The following ATP8B4 variants were observed in gnomAD, a reference collection of about 807,000 sequenced individuals.
The protein encoded by ATP8B4 is ATPase phospholipid transporting 8B4 (putative).
Under a neutral mutation model 145.6 loss-of-function variants are expected in ATP8B4, and 133 were observed. The ratio of observed to expected loss-of-function variants is 0.91; its 90% CI spans 0.79 to 1.05. ATP8B4 has a LOEUF of 1.05. Among genes scored for constraint, ATP8B4 ranks in the 50% least tolerant of loss-of-function variants. The pLI, the probability that ATP8B4 is intolerant of heterozygous loss-of-function variation, is 0.00. For missense variants in ATP8B4, 1,458 were observed against 1,425.2 expected, an observed-to-expected ratio of 1.02 and a Z score of -0.37; for synonymous variants, 507 against 492.9, an observed-to-expected ratio of 1.03 and a Z score of -0.38.
At chr15:50,082,500 C>T (rs373216516) in intron 2 of ATP8B4, among the ~76,000 whole-genome samples, 30 of 152,310 alleles carry the variant, frequency 2.0e-4, no homozygotes, top group Middle Eastern at 3.4e-3. Flanking sequence ...AGCCAATTTG[C>T]TCATCAGATC....
chr15:50,171,982 C>G (rs2044680901), intron 1 of ATP8B4, among the ~76,000 whole-genome samples: 1 of 152,102 alleles, frequency 6.6e-6, no homozygotes, highest in Non-Finnish European at 1.5e-5. Flanking sequence ...TGGATACATT[C>G]CTGGAAAAAT....
chr15:49,916,992 T>G lies in ATP8B4; in HGVS notation c.2083A>C (p.Met695Leu), dbSNP rs755275195. Residue 695 changes from methionine to leucine, a missense_variant, in exon 20 of 28, where the codon ATG becomes CTG. Met to Leu is a conservative substitution (Grantham distance 15). Coordinates refer to ENST00000284509, the MANE Select transcript of ATP8B4 (RefSeq NM_024837.4). The part of the protein sequence containing the change: ...GYACNMLTDD[M>L]NDVFVIAGNN... ...CCTGCTATCACAAACACATCATTCA[T>G]GTCGTCAGTCAGCATGTTGCAGGCA... 1.2e-6 allele frequency: 2 copies of G among 1,614,016 alleles called. No individual in the cohort carries two copies. Among genetic ancestry groups the G allele is most frequent in the East Asian group, 4.5e-5 (2 of 44,874 alleles).
intron 14 of ATP8B4, among the ~76,000 whole-genome samples, chr15:49,940,622 A>G (rs943019616): frequency 1.3e-5 from 2 of 152,194 alleles, no homozygotes; most frequent in African/African-American, 4.8e-5. Context: ...GTTTATTTGG[A>G]AAGACTCTAA....
intron 14 of ATP8B4, among the ~76,000 whole-genome samples, chr15:49,945,993 T>C (rs753793029): frequency 1.3e-5 from 2 of 152,168 alleles, no homozygotes; most frequent in Non-Finnish European, 2.9e-5. Context: ...CTAGTAGTCC[T>C]AGCCAGTGCA....
In ATP8B4 at chr15:49,897,519, C is replaced by T. The variant is rs775807246; in HGVS notation, c.2474-4G>A. 2 of 1,521,488 alleles carry T rather than the reference C, an allele frequency of 1.3e-6. No individual in the cohort carries two copies. Among genetic ancestry groups the T allele is most frequent in the Non-Finnish European group, 1.8e-6 (2 of 1,134,342 alleles). The allele number at this position is 1,521,488 out of a possible 1,614,324, so 94.2% of individuals were successfully genotyped here. A position where few individuals can be genotyped will look rare whatever the true frequency, so the allele number is the denominator to read the frequency against. ...ATGCCAACACCAATGTGAGCACCTA[C>T]AAAGGAAAGAGGAACACTGTCACTC... On this transcript the variant is annotated splice_region_variant and splice_polypyrimidine_tract_variant and intron_variant, in intron 22 of 27. Transcript: ENST00000284509.
At chr15:50,156,065 AATAAATAAATAT>A (rs2044406697) in intron 1 of ATP8B4, among the ~76,000 whole-genome samples, 2 of 21,342 alleles carry the variant, frequency 9.4e-5, no homozygotes, top group Admixed American at 1.1e-3. Context: ...GTAATAAATA[AATAAATAAATAT>A]ATATATATAT....
intron 14 of ATP8B4, among the ~76,000 whole-genome samples, chr15:49,948,281 C>CAAAA (rs35575312): frequency 0.074 from 8,316 of 112,100 alleles, 297 homozygotes; most frequent in Non-Finnish European, 0.084. Context: ...ACTAAAAATA[C>CAAAA]AAAAAAAAAA....
chr15:50,062,336 C>T (rs902737404), intron 3 of ATP8B4, among the ~76,000 whole-genome samples: 1 of 152,156 alleles, frequency 6.6e-6, no homozygotes, highest in African/African-American at 2.4e-5. Context: ...CTTGCTCCTG[C>T]TTTCACCATG....
chr15:50,024,836 C>T (rs1419797339), intron 6 of ATP8B4, among the ~76,000 whole-genome samples: 2 of 152,142 alleles, frequency 1.3e-5, no homozygotes, highest in Non-Finnish European at 2.9e-5. Flanking sequence ...GACACTGTCC[C>T]ATACATGTTA....
At chr15:49,898,299 G>A (rs377154477) in intron 21 of ATP8B4, 48 bp from the exon 22 acceptor site, 3 of 1,546,058 alleles carry the variant, frequency 1.9e-6, no homozygotes, top group Non-Finnish European at 2.7e-6. Flanking sequence ...AACAATAAAT[G>A]AGGGTTGAGA....
At chr15:50,036,760 C>A (rs1048753499) in intron 6 of ATP8B4, among the ~76,000 whole-genome samples, 1 of 152,156 alleles carries the variant, frequency 6.6e-6, no homozygotes, top group African/African-American at 2.4e-5. Context: ...GACCCCTACC[C>A]TAGAGAAGCT....
At chr15:50,071,844 G>A (rs536218587) in intron 3 of ATP8B4, among the ~76,000 whole-genome samples, 1 of 152,242 alleles carries the variant, frequency 6.6e-6, no homozygotes, top group East Asian at 1.9e-4. Flanking sequence ...AAGCTTACAA[G>A]ACTGATGAAT....
chr15:49,985,127 C>T (rs1343072166), intron 10 of ATP8B4, among the ~76,000 whole-genome samples: 1 of 149,890 alleles, frequency 6.7e-6, no homozygotes. Flanking sequence ...GATGGAGTCT[C>T]GTTCTGTCAC....
chr15:50,134,710 T>G (rs941723980), intron 1 of ATP8B4, among the ~76,000 whole-genome samples: 1 of 152,120 alleles, frequency 6.6e-6, no homozygotes, highest in Non-Finnish European at 1.5e-5. Flanking sequence ...ATTCAAGAAA[T>G]ATTCCAAATA....
intron 2 of ATP8B4, among the ~76,000 whole-genome samples, chr15:50,090,322 T>G (rs747400501): frequency 6.6e-6 from 1 of 152,142 alleles, no homozygotes; most frequent in Non-Finnish European, 1.5e-5. Flanking sequence ...TTTACCTATG[T>G]AACAAACCTG....
chr15:49,868,241 CTG>C (rs2033122259), intron 25 of ATP8B4, among the ~76,000 whole-genome samples: 1 of 152,128 alleles, frequency 6.6e-6, no homozygotes, highest in South Asian at 2.1e-4. Context: ...CACAGTGAAA[CTG>C]TGAAACAACA....
intron 23 of ATP8B4, chr15:49,895,172 T>C (rs1481637285): frequency 1.3e-5 from 2 of 152,262 alleles, no homozygotes; most frequent in Admixed American, 6.5e-5. Flanking sequence ...AACTGGCCCC[T>C]CTGCTTTAGA....
chr15:49,920,111 G>C, intron 18 of ATP8B4, 135 bp downstream of exon 18: 1 of 1,180,716 alleles, frequency 8.5e-7, no homozygotes, highest in Non-Finnish European at 1.2e-6. Context: ...AACATATAAA[G>C]CATGATTCAG....
intron 1 of ATP8B4, among the ~76,000 whole-genome samples, chr15:50,156,392 G>A (rs2044420591): frequency 6.6e-6 from 1 of 151,756 alleles, no homozygotes; most frequent in Non-Finnish European, 1.5e-5. Flanking sequence ...GCAATTGTTA[G>A]ACAGGCAAAC....
Sources: gnomAD v4.1 joint callset for allele counts (sites outside exome capture counted in the v4.1 genomes callset) on GRCh38, gnomAD v4.1.1 for gene constraint, MANE v1.5 for transcripts, NCBI Gene and HGNC (gene_info 2026-07-23, HGNC 2026-07-21) for gene names.